Variants in PTCHD4 observed in about 807,000 individuals in gnomAD.
PTCHD4 encodes patched domain-containing protein 4.
Under a neutral mutation model 58.1 loss-of-function variants are expected in PTCHD4, and 33 were observed. The ratio of observed to expected loss-of-function variants is 0.57; its 90% CI spans 0.43 to 0.76. The LOEUF is 0.76. Ranked by LOEUF, PTCHD4 falls within the 30% of genes least tolerant of loss-of-function variation. The pLI is 0.00. For synonymous variants in PTCHD4, 478 were observed against 409.6 expected, an observed-to-expected ratio of 1.17 and a Z score of -2.02; for missense variants, 1,058 against 1,027.1, an observed-to-expected ratio of 1.03 and a Z score of -0.41.
At chr6:48,066,949 T>A (rs1764820222) in intron 3 of PTCHD4, among the ~76,000 whole-genome samples, 1 of 152,178 alleles carries the variant, frequency 6.6e-6, no homozygotes, top group South Asian at 2.1e-4. Context: ...GCCGACTATA[T>A]CAAATTAGTG....
At chr6:47,959,966 ATTTT>A (rs1767016433) in intron 4 of PTCHD4, among the ~76,000 whole-genome samples, 1 of 152,076 alleles carries the variant, frequency 6.6e-6, no homozygotes, top group African/African-American at 2.4e-5. Flanking sequence ...CTTATTTAAT[ATTTT>A]AAGAAGATAG....
At chr6:48,109,846 C>T (rs138349744) in intron 1 of PTCHD4, among the ~76,000 whole-genome samples, 1 of 152,044 alleles carries the variant, frequency 6.6e-6, no homozygotes, top group Admixed American at 6.6e-5. Flanking sequence ...CATCATTAAT[C>T]ATCAGGGAAA....
chr6:47,950,857 CA>C (rs1369602802), intron 4 of PTCHD4, among the ~76,000 whole-genome samples: 7 of 152,078 alleles, frequency 4.6e-5, no homozygotes, highest in Admixed American at 3.9e-4. Context: ...TAAGAAGTAG[CA>C]GCCTGGTTAG....
intron 4 of PTCHD4, among the ~76,000 whole-genome samples, chr6:47,918,874 G>GA (rs1256469088): frequency 6.6e-6 from 1 of 152,160 alleles, no homozygotes; most frequent in Non-Finnish European, 1.5e-5. Context: ...AGATGTAAGA[G>GA]AAAATGATGT....
Position 47,873,577 on chromosome 6 carries a change from T to C in PTCHD4, c.*4726A>G, listed in dbSNP as rs777598893. ...AGTGTGGCTTTGTTGCTTTCACTTA[T>C]GATTTTGCTGCTTTCATTTGGGTCA... On this transcript the variant is annotated 3_prime_UTR_variant, in exon 5 of 5. Transcript: ENST00000339488. Among the ~76,000 whole-genome samples, 15 of 151,786 alleles carry C rather than the reference T, an allele frequency of 9.9e-5. No individual in the cohort carries two copies. Among genetic ancestry groups the C allele is most frequent in the Non-Finnish European group, 1.9e-4 (13 of 67,820 alleles).
chr6:48,086,683 G>A (rs977734444), intron 1 of PTCHD4, among the ~76,000 whole-genome samples: 4 of 152,038 alleles, frequency 2.6e-5, no homozygotes, highest in Non-Finnish European at 4.4e-5. Flanking sequence ...AAAAAGTGGC[G>A]TTTGCATTTT....
intron 1 of PTCHD4, among the ~76,000 whole-genome samples, chr6:48,072,775 C>T (rs1764998329): frequency 6.6e-6 from 1 of 152,176 alleles, no homozygotes; most frequent in Non-Finnish European, 1.5e-5. Context: ...CAACTCTCAT[C>T]TATTGCTACA....
intron 4 of PTCHD4, among the ~76,000 whole-genome samples, chr6:47,944,173 G>A (rs1015537240): frequency 2.6e-5 from 4 of 152,152 alleles, no homozygotes; most frequent in Admixed American, 2.0e-4. Flanking sequence ...ATATAGTGCT[G>A]CAGCTGGAGC....
intron 1 of PTCHD4, among the ~76,000 whole-genome samples, chr6:48,073,501 C>T (rs887168046): frequency 2.0e-5 from 3 of 152,236 alleles, no homozygotes; most frequent in Non-Finnish European, 4.4e-5. Context: ...TTAATTTATG[C>T]TCTAATACTA....
chr6:47,893,899 A>T (rs1034330598), intron 4 of PTCHD4, among the ~76,000 whole-genome samples: 1 of 152,222 alleles, frequency 6.6e-6, no homozygotes, highest in African/African-American at 2.4e-5. Context: ...GGGTTTAGTT[A>T]ATTGGATTAA....
chr6:47,880,317 A>G (rs1167769149), intron 4 of PTCHD4, among the ~76,000 whole-genome samples: 3 of 152,180 alleles, frequency 2.0e-5, no homozygotes, highest in South Asian at 2.1e-4. Context: ...CCTTAACATC[A>G]TGTCAAGTGC....
intron 4 of PTCHD4, among the ~76,000 whole-genome samples, chr6:47,960,001 C>A (rs1767017676): frequency 6.6e-6 from 1 of 151,066 alleles, no homozygotes; most frequent in South Asian, 2.1e-4. Context: ...AAAATATTAA[C>A]AATGTAGTAT....
chr6:48,095,031 G>A (rs1318573748), intron 1 of PTCHD4, among the ~76,000 whole-genome samples: 2 of 152,154 alleles, frequency 1.3e-5, no homozygotes, highest in African/African-American at 4.8e-5. Context: ...TTATAAAGAT[G>A]TAGGACAGAT....
intron 3 of PTCHD4, among the ~76,000 whole-genome samples, chr6:48,014,666 T>C (rs538977095): frequency 6.6e-5 from 10 of 152,184 alleles, no homozygotes; most frequent in Non-Finnish European, 1.3e-4. Flanking sequence ...GCATAAAGTT[T>C]CACTGGAGAT....
intron 4 of PTCHD4, among the ~76,000 whole-genome samples, chr6:47,984,454 C>A (rs1322597601): frequency 6.6e-6 from 1 of 152,064 alleles, no homozygotes; most frequent in African/African-American, 2.4e-5. Context: ...GGAAACCACC[C>A]CCATGATTCA....
chr6:47,911,889 A>T (rs577629077), intron 4 of PTCHD4, among the ~76,000 whole-genome samples: 6 of 152,228 alleles, frequency 3.9e-5, no homozygotes, highest in African/African-American at 1.4e-4. Context: ...AGACCCTTGG[A>T]CTAAACCTTG....
chr6:47,999,652 T>C (rs1435618405), intron 4 of PTCHD4, among the ~76,000 whole-genome samples: 1 of 152,196 alleles, frequency 6.6e-6, no homozygotes, highest in Non-Finnish European at 1.5e-5. Flanking sequence ...AGAAGAGCTA[T>C]GTCTTCTCAA....
At chr6:48,048,758 G>A (rs1764128088) in intron 3 of PTCHD4, among the ~76,000 whole-genome samples, 1 of 151,972 alleles carries the variant, frequency 6.6e-6, no homozygotes, top group South Asian at 2.1e-4. Flanking sequence ...AGACCAACAG[G>A]ATTTACAATT....
intron 3 of PTCHD4, among the ~76,000 whole-genome samples, chr6:48,035,485 G>A (rs764422640): frequency 6.6e-6 from 1 of 152,056 alleles, no homozygotes; most frequent in African/African-American, 2.4e-5. Context: ...CAGAAAAAGG[G>A]GATAGGGCCT....
Sources: allele counts gnomAD v4.1 joint callset (sites outside exome capture counted in the v4.1 genomes callset), GRCh38; gene constraint gnomAD v4.1.1; transcripts MANE v1.5; gene names NCBI Gene and HGNC (gene_info 2026-07-23, HGNC 2026-07-21).